The following GADL1 variants were observed in gnomAD, a reference collection of about 807,000 sequenced individuals.
The protein encoded by GADL1 is GAD like acidic amino acid decarboxylase 1.
Under a neutral mutation model 69.5 loss-of-function variants are expected in GADL1, and 71 were observed. The ratio of observed to expected loss-of-function variants is 1.02; its 90% CI spans 0.84 to 1.25. The LOEUF is 1.25. Ranked by LOEUF, GADL1 falls within the 50% of genes most tolerant of loss-of-function variation. GADL1 has a pLI of 0.00. For missense variants in GADL1, 737 were observed against 631.8 expected, an observed-to-expected ratio of 1.17 and a Z score of -1.79; for synonymous variants, 254 against 214.4, an observed-to-expected ratio of 1.18 and a Z score of -1.62.
chr3:30,761,828 A>G (rs73058843), intron 14 of GADL1, among the ~76,000 whole-genome samples: 22,248 of 152,126 alleles, frequency 0.15, 2,095 homozygotes, highest in East Asian at 0.34. Flanking sequence ...ATTCAAACCT[A>G]TGGTCAATAT....
intron 6 of GADL1, among the ~76,000 whole-genome samples, chr3:30,849,275 G>A (rs1022964541): frequency 1.1e-4 from 17 of 152,186 alleles, no homozygotes; most frequent in Non-Finnish European, 2.5e-4. Context: ...AGACTTATAA[G>A]TGATAATATA....
intron 1 of GADL1, among the ~76,000 whole-genome samples, chr3:30,889,084 T>TAAAAAG (rs1698748733): frequency 6.1e-5 from 2 of 32,914 alleles, no homozygotes; most frequent in East Asian, 1.6e-3. Context: ...CGGTAATCTA[T>TAAAAAG]AAAAAAAAAA....
At chr3:30,887,531 CAAG>C (rs1698725624) in intron 1 of GADL1, among the ~76,000 whole-genome samples, 2 of 152,142 alleles carry the variant, frequency 1.3e-5, no homozygotes, top group Admixed American at 1.3e-4. Flanking sequence ...TCCCCACAAG[CAAG>C]AAGGTTCTCA....
intron 11 of GADL1, among the ~76,000 whole-genome samples, chr3:30,807,453 A>G (rs1252145021): frequency 6.6e-6 from 1 of 152,214 alleles, no homozygotes; most frequent in African/African-American, 2.4e-5. Flanking sequence ...ACATCCTTCA[A>G]ATGGAATGGA....
chr3:30,874,204 A>G (rs1229233969), intron 1 of GADL1, among the ~76,000 whole-genome samples: 2 of 151,920 alleles, frequency 1.3e-5, no homozygotes, highest in Non-Finnish European at 2.9e-5. Context: ...TCACCTCTAT[A>G]TAAAATTGGA....
chr3:30,762,427 TCAAC>T (rs1281701101), intron 14 of GADL1, among the ~76,000 whole-genome samples: 1 of 152,320 alleles, frequency 6.6e-6, no homozygotes, highest in African/African-American at 2.4e-5. Flanking sequence ...CTCATGTACT[TCAAC>T]AAACAACTTC....
intron 11 of GADL1, among the ~76,000 whole-genome samples, chr3:30,821,388 T>A (rs1050575491): frequency 6.6e-6 from 1 of 151,998 alleles, no homozygotes; most frequent in Non-Finnish European, 1.5e-5. Context: ...TAAACTGATA[T>A]AATGTGTGTC....
At chr3:30,861,291 T>C (rs1698317214) in intron 2 of GADL1, among the ~76,000 whole-genome samples, 1 of 149,736 alleles carries the variant, frequency 6.7e-6, no homozygotes, top group Non-Finnish European at 1.5e-5. Context: ...TACTTATCTA[T>C]GTTATTATCT....
At chr3:30,801,163 CACACA>C in intron 11 of GADL1, 75 bp from the exon 12 acceptor site, 1 of 1,079,120 alleles carries the variant, frequency 9.3e-7, no homozygotes, top group Non-Finnish European at 1.4e-6. Flanking sequence ...CACATGTACA[CACACA>C]ATGTGTATAT....
intron 12 of GADL1, among the ~76,000 whole-genome samples, chr3:30,795,962 A>G (rs11707652): frequency 0.21 from 32,250 of 152,044 alleles, 3,877 homozygotes; most frequent in Non-Finnish European, 0.27. Context: ...ATGTTAATTC[A>G]ATTCAACTTG....
At chr3:30,801,647 T>C (rs1182174334) in intron 11 of GADL1, among the ~76,000 whole-genome samples, 1 of 152,188 alleles carries the variant, frequency 6.6e-6, no homozygotes, top group Non-Finnish European at 1.5e-5. Flanking sequence ...CCACAGGGCC[T>C]TTTGTGTTTG....
At chr3:30,881,543 CCTGA>C (rs59783516) in intron 1 of GADL1, among the ~76,000 whole-genome samples, 19,369 of 151,580 alleles carry the variant, frequency 0.13, 1,421 homozygotes, top group South Asian at 0.19. Flanking sequence ...CATGGGAGAC[CCTGA>C]TGAGGGAGAT....
chr3:30,754,396 G>GGAT (rs1470029551), intron 14 of GADL1, among the ~76,000 whole-genome samples: 1 of 152,106 alleles, frequency 6.6e-6, no homozygotes, highest in Non-Finnish European at 1.5e-5. Flanking sequence ...CATTCTGATA[G>GGAT]GATATATTCA....
At chr3:30,807,519 T>C (rs1368762814) in intron 11 of GADL1, among the ~76,000 whole-genome samples, 2 of 152,208 alleles carry the variant, frequency 1.3e-5, no homozygotes, top group East Asian at 3.8e-4. Context: ...TGTGGGTCTT[T>C]ACAAGTCTCA....
intron 11 of GADL1, among the ~76,000 whole-genome samples, chr3:30,816,185 C>A (rs930396840): frequency 6.6e-6 from 1 of 152,012 alleles, no homozygotes; most frequent in African/African-American, 2.4e-5. Flanking sequence ...ATGTACTGAA[C>A]AAATGCTTGG....
At chr3:30,765,555 C>T (rs1210183440) in intron 14 of GADL1, among the ~76,000 whole-genome samples, 1 of 152,196 alleles carries the variant, frequency 6.6e-6, no homozygotes, top group Non-Finnish European at 1.5e-5. Flanking sequence ...CCAGGGCTTG[C>T]TTCATGGGTG....
intron 14 of GADL1, among the ~76,000 whole-genome samples, chr3:30,742,319 C>T (rs1010723728): frequency 3.3e-5 from 5 of 150,756 alleles, no homozygotes; most frequent in Non-Finnish European, 7.4e-5. Flanking sequence ...TAGTTTTCTT[C>T]CATAGATATT....
chr3:30,779,353 G>A (rs7648179), intron 13 of GADL1, among the ~76,000 whole-genome samples: 31,560 of 152,142 alleles, frequency 0.21, 7,425 homozygotes, highest in African/African-American at 0.56. Flanking sequence ...AACCAATGTT[G>A]CAACAGTTCT....
Position 30,788,358 on chromosome 3 carries a change from G to A in GADL1, c.1251-1952C>T, listed in dbSNP as rs540870735. ...TTACATTTACAGTATACTGTAGTCT[G>A]AGTTTACAATGGCATTATGTCTAAA... On this transcript the variant is annotated intron_variant, in intron 12 of 14. Coordinates refer to ENST00000282538, the MANE Select transcript of GADL1 (RefSeq NM_207359.3). Among the ~76,000 whole-genome samples, 4 of 152,272 alleles carry A rather than the reference G, an allele frequency of 2.6e-5. No homozygotes were observed. In the South Asian group the frequency reaches 8.3e-4, roughly 32 times the overall value.
Sources: allele counts gnomAD v4.1 joint callset (sites outside exome capture counted in the v4.1 genomes callset), GRCh38; gene constraint gnomAD v4.1.1; transcripts MANE v1.5; gene names NCBI Gene and HGNC (gene_info 2026-07-23, HGNC 2026-07-21).